Variants in BTLA observed in about 807,000 individuals in gnomAD.
BTLA encodes B and T lymphocyte associated, also known as B- and T-lymphocyte attenuator.
A neutral mutation model predicts 25.0 loss-of-function variants in BTLA; 11 were observed. The observed-to-expected ratio is 0.44, with a 90% CI of 0.28 to 0.73. The LOEUF (loss-of-function observed/expected upper bound fraction) is 0.73. Among genes scored for constraint, BTLA ranks in the 30% least tolerant of loss-of-function variants. The pLI is 0.15. For missense variants in BTLA, 282 were observed against 332.8 expected (o/e 0.85, Z 1.19); for synonymous variants, 104 against 119.8 (o/e 0.87, Z 0.86).
chr3:112,486,467 A>T (rs1172422216), intron 1 of BTLA, among the ~76,000 whole-genome samples: 3 of 152,304 alleles, frequency 2.0e-5, no homozygotes, highest in Non-Finnish European at 4.4e-5. Flanking sequence ...AAAATGTTTT[A>T]AAAAAATTAA....
chr3:112,479,412 A>AT, intron 2 of BTLA, 43 bp downstream of exon 2: 1 of 1,533,340 alleles, frequency 6.5e-7, no homozygotes, highest in Non-Finnish European at 8.8e-7. Context: ...TCCTGGAAAC[A>AT]TTATAAGAAA....
At chr3:112,498,591 T>TG (rs397790145) in intron 1 of BTLA, among the ~76,000 whole-genome samples, 1 of 147,324 alleles carries the variant, frequency 6.8e-6, no homozygotes, top group Non-Finnish European at 1.5e-5. Flanking sequence ...TTTTTTTTTT[T>TG]GCCTGTATAA....
chr3:112,499,230 CT>C, intron 1 of BTLA, 40 bp downstream of exon 1: 1 of 1,430,930 alleles, frequency 7.0e-7, no homozygotes, highest in Non-Finnish European at 9.9e-7. Flanking sequence ...CCAAGACCCC[CT>C]GAGAAATAAA....
At position 112,465,982 on chromosome 3, in the gene BTLA, C is replaced by T; in HGVS notation, c.*126G>A. 8.9e-7 allele frequency: 1 copy of T among 1,129,696 alleles called. No individual in the cohort carries two copies. The highest frequency in any genetic ancestry group is 2.2e-4 in the Middle Eastern group (1 of 4,590). The allele number at this position is 1,129,696 out of a possible 1,614,324, so 70.0% of individuals were successfully genotyped here. ...CCTATGGACCCTTAAGACCCAAGCACTAACATGAACATTTCTAAAGTAAAA... is the reference window on the plus strand; with the variant it reads ...CCTATGGACCCTTAAGACCCAAGCATTAACATGAACATTTCTAAAGTAAAA... On this transcript the variant is annotated 3_prime_UTR_variant, in exon 5 of 5. Coordinates refer to ENST00000334529, the MANE Select transcript of BTLA (RefSeq NM_181780.4).
intron 1 of BTLA, among the ~76,000 whole-genome samples, chr3:112,485,995 T>C (rs1005600353): frequency 2.0e-5 from 3 of 152,180 alleles, no homozygotes; most frequent in African/African-American, 7.2e-5. Flanking sequence ...CGGGAGCCTG[T>C]AGTCCCAGCT....
intron 1 of BTLA, among the ~76,000 whole-genome samples, chr3:112,486,435 T>C (rs1466964796): frequency 1.3e-5 from 2 of 152,134 alleles, no homozygotes; most frequent in African/African-American, 4.8e-5. Flanking sequence ...CTGAACTTCA[T>C]GTATAAAACC....
chr3:112,475,439 A>G (rs767456639), intron 2 of BTLA, among the ~76,000 whole-genome samples: 15 of 152,198 alleles, frequency 9.9e-5, no homozygotes, highest in Non-Finnish European at 1.6e-4. Context: ...CCTTTCCCCT[A>G]AAGTTGGGTT....
At chr3:112,475,861 T>A (rs1243237154) in intron 2 of BTLA, among the ~76,000 whole-genome samples, 2 of 152,140 alleles carry the variant, frequency 1.3e-5, no homozygotes, top group Admixed American at 1.3e-4. Context: ...ATTAATATTT[T>A]GCAGATTTTC....
chr3:112,489,549 C>T (rs2082368561), intron 1 of BTLA, among the ~76,000 whole-genome samples: 2 of 152,150 alleles, frequency 1.3e-5, no homozygotes, highest in South Asian at 2.1e-4. Flanking sequence ...AAATGAATGA[C>T]TGTAATGAAT....
At chr3:112,477,313 G>A (rs1247136252) in intron 2 of BTLA, among the ~76,000 whole-genome samples, 1 of 151,374 alleles carries the variant, frequency 6.6e-6, no homozygotes, top group East Asian at 1.9e-4. Context: ...AATGGATAGG[G>A]TTTCTATTTC....
At chr3:112,488,861 C>A (rs986123734) in intron 1 of BTLA, among the ~76,000 whole-genome samples, 2 of 152,098 alleles carry the variant, frequency 1.3e-5, no homozygotes, top group African/African-American at 2.4e-5. Flanking sequence ...ATCCACCCGC[C>A]TTGGCCTCCC....
At chr3:112,482,757 ATGAAACCAAAC>A (rs1170398182) in intron 1 of BTLA, among the ~76,000 whole-genome samples, 1 of 152,226 alleles carries the variant, frequency 6.6e-6, no homozygotes, top group African/African-American at 2.4e-5. Context: ...TAGAACTAAA[ATGAAACCAAAC>A]TGAAAGGTAA....
intron 1 of BTLA, among the ~76,000 whole-genome samples, chr3:112,480,758 A>C (rs2082313854): frequency 1.3e-5 from 2 of 152,220 alleles, no homozygotes; most frequent in African/African-American, 2.4e-5. Flanking sequence ...AAATTTCAAC[A>C]TGAATTTTGG....
At chr3:112,487,777 T>C (rs1576689007) in intron 1 of BTLA, among the ~76,000 whole-genome samples, 2 of 152,312 alleles carry the variant, frequency 1.3e-5, no homozygotes, top group East Asian at 3.9e-4. Context: ...TTTTGTTGTA[T>C]TATTTTGGAT....
chr3:112,483,337 G>A (rs1045079988), intron 1 of BTLA, among the ~76,000 whole-genome samples: 10 of 151,460 alleles, frequency 6.6e-5, no homozygotes, highest in Non-Finnish European at 1.0e-4. Flanking sequence ...TAGTAAAGAC[G>A]GGATTTCTTT....
At position 112,465,254 on chromosome 3, in the gene BTLA, A is replaced by C. The variant is rs1482162552; in HGVS notation, c.*854T>G. 1.3e-5 allele frequency: 2 copies of C among 152,648 alleles called. No individual in the cohort carries two copies. Among genetic ancestry groups the C allele is most frequent in the African/African-American group, 4.8e-5 (2 of 41,458 alleles). 9.5% of individuals were successfully genotyped at this position (152,648 alleles called of 1,614,324 possible). A position where few individuals can be genotyped will look rare whatever the true frequency, so the allele number is the denominator to read the frequency against. On this transcript the variant is annotated 3_prime_UTR_variant, in exon 5 of 5. Coordinates refer to ENST00000334529, the MANE Select transcript of BTLA (RefSeq NM_181780.4). ...TGCACTTTAACTTGCTATCAAGTCA[A>C]GCATGAAGCAGTTTAAGCTATCTTC...
rs1400557346 is a variant in BTLA at position 112,465,113 on chromosome 3, A to G, written c.*995T>C. 2.0e-5 allele frequency: 3 copies of G among 152,396 alleles called. No individual in the cohort carries two copies. Among genetic ancestry groups the G allele is most frequent in the Non-Finnish European group, 2.9e-5 (2 of 68,042 alleles). The allele number at this position is 152,396 out of a possible 1,614,324, so 9.4% of individuals were successfully genotyped here. Reference sequence around the variant, plus strand: ...AGCAAACTAAAATATGTCACTACAGATGATTTGCCCTGATTCCTTAGTAAG... The same window carrying G: ...AGCAAACTAAAATATGTCACTACAGGTGATTTGCCCTGATTCCTTAGTAAG... On this transcript the variant is annotated 3_prime_UTR_variant, in exon 5 of 5. Coordinates refer to ENST00000334529, the MANE Select transcript of BTLA (RefSeq NM_181780.4).
intron 1 of BTLA, among the ~76,000 whole-genome samples, chr3:112,494,357 C>T (rs550366046): frequency 2.0e-5 from 3 of 152,022 alleles, no homozygotes; most frequent in East Asian, 3.9e-4. Flanking sequence ...GGCAATTCCT[C>T]GATCTAGAAC....
intron 1 of BTLA, among the ~76,000 whole-genome samples, chr3:112,493,531 G>A (rs1399930039): frequency 1.3e-5 from 2 of 152,102 alleles, no homozygotes; most frequent in Non-Finnish European, 1.5e-5. Flanking sequence ...TTTGGAGACA[G>A]AGTCTCACTC....
Sources: allele counts gnomAD v4.1 joint callset (sites outside exome capture counted in the v4.1 genomes callset), GRCh38; gene constraint gnomAD v4.1.1; transcripts MANE v1.5; gene names NCBI Gene and HGNC (gene_info 2026-07-23, HGNC 2026-07-21).